PPP2R3C: variants seen among roughly 807,000 people sequenced by gnomAD.
PPP2R3C encodes protein phosphatase 2 regulatory subunit B''gamma, also known as serine/threonine-protein phosphatase 2A regulatory subunit B'' subunit gamma.
Under a neutral mutation model 63.7 loss-of-function variants are expected in PPP2R3C, and 47 were observed. The observed-to-expected ratio is 0.74, with a 90% CI of 0.58 to 0.94. PPP2R3C has a LOEUF of 0.94. Among genes scored for constraint, PPP2R3C ranks in the 40% least tolerant of loss-of-function variants. The pLI, the probability that PPP2R3C is intolerant of heterozygous loss-of-function variation, is 0.00. For missense variants in PPP2R3C, 421 were observed against 518.4 expected (o/e 0.81, Z 1.82); for synonymous variants, 180 against 177.4 (o/e 1.01, Z -0.12).
chr14:35,121,802 G>A (rs931307899), intron 1 of PPP2R3C, 100 bp downstream of exon 1: 142 of 1,340,716 alleles, frequency 1.1e-4, no homozygotes, highest in Non-Finnish European at 1.4e-4. Flanking sequence ...TCACAGAAGC[G>A]GAAAAGGCGG....
At chr14:35,120,905 C>G (rs1471103492) in intron 1 of PPP2R3C, among the ~76,000 whole-genome samples, 1 of 151,870 alleles carries the variant, frequency 6.6e-6, no homozygotes, top group East Asian at 1.9e-4. Flanking sequence ...TTCACTGCGC[C>G]GCTGCACTCC....
At chr14:35,099,164 GATA>G in intron 7 of PPP2R3C, 85 bp downstream of exon 7, 1 of 1,368,678 alleles carries the variant, frequency 7.3e-7, no homozygotes, top group Non-Finnish European at 9.5e-7. Context: ...GAAAATAAAT[GATA>G]TTTTTCAAGA....
Position 35,116,660 on chromosome 14 carries a change from T to G in PPP2R3C, c.136A>C (p.Arg46=). The G allele has an allele frequency of 2.5e-6, 4 of 1,602,552 alleles. No individual in the cohort carries two copies. The highest frequency in any genetic ancestry group is 3.4e-6 in the Non-Finnish European group (4 of 1,171,810). ...TTATAGAATTCATTTGTGTTTTTTC[T>G]ACCTCCTTTCCATTCGGAGTAATAT... ...TKYYSEWKGG[R]KNTNEFYKTI... The change falls in exon 2 of 13, where the codon AGA becomes CGA. Residue 46 remains arginine, a synonymous_variant. Transcript: ENST00000261475.
chr14:35,115,161 CTTTTTCTTTTTTTT>C (rs2046674393), intron 2 of PPP2R3C, among the ~76,000 whole-genome samples: 1 of 140,476 alleles, frequency 7.1e-6, no homozygotes, highest in African/African-American at 2.6e-5. Context: ...TTTTTTTTTT[CTTTTTCTTTTTTTT>C]TTTTTGAGAT....
intron 9 of PPP2R3C, among the ~76,000 whole-genome samples, chr14:35,095,566 G>A (rs757384398): frequency 6.6e-6 from 1 of 151,972 alleles, no homozygotes; most frequent in Non-Finnish European, 1.5e-5. Flanking sequence ...GAGGTCGGGC[G>A]TGGTGGCTCA....
intron 7 of PPP2R3C, 126 bp downstream of exon 7, chr14:35,099,126 T>C: frequency 7.9e-7 from 1 of 1,268,354 alleles, no homozygotes; most frequent in Non-Finnish European, 1.0e-6. Context: ...CTCCTTGAAA[T>C]TCACCAAATT....
chr14:35,095,309 G>T, intron 9 of PPP2R3C, 125 bp from the exon 10 acceptor site: 1 of 942,272 alleles, frequency 1.1e-6, no homozygotes, highest in Non-Finnish European at 1.6e-6. Context: ...TATGATTAGG[G>T]TAGTGGCCTA....
chr14:35,116,569 A>T (rs1595130180), intron 2 of PPP2R3C, 41 bp downstream of exon 2: 2 of 1,463,438 alleles, frequency 1.4e-6, no homozygotes, highest in Non-Finnish European at 9.1e-7. Context: ...ATTATATTTC[A>T]TTTTTAAACT....
At chr14:35,115,318 A>G (rs2046679229) in intron 2 of PPP2R3C, among the ~76,000 whole-genome samples, 1 of 151,426 alleles carries the variant, frequency 6.6e-6, no homozygotes, top group South Asian at 2.1e-4. Flanking sequence ...GCGCACCACC[A>G]TGCCCGGCTA....
chr14:35,087,851 C>G (rs1166002208), intron 12 of PPP2R3C, 100 bp downstream of exon 12: 1 of 898,362 alleles, frequency 1.1e-6, no homozygotes, highest in Non-Finnish European at 1.8e-6. Flanking sequence ...ACACTTGATT[C>G]AAATAGTACT....
chr14:35,116,803 T>A, intron 1 of PPP2R3C, 66 bp from the exon 2 acceptor site: 1 of 1,214,796 alleles, frequency 8.2e-7, no homozygotes. Flanking sequence ...CAGGTCATCC[T>A]ATATATTATA....
At chr14:35,095,851 C>CAAAAA (rs59775301) in intron 9 of PPP2R3C, among the ~76,000 whole-genome samples, 5 of 41,158 alleles carry the variant, frequency 1.2e-4, no homozygotes. Context: ...ACTCTATCTC[C>CAAAAA]AAAAAAAAAA....
At position 35,117,305 on chromosome 14, in the gene PPP2R3C, T is replaced by C. The variant is rs115057929; in HGVS notation, c.59-568A>G. ...CATTCAGCCAATTCCTCCCCACTTA[T>C]TTGTGGACTATGGTGACTGGTACAC... is the stretch of plus-strand genomic sequence containing the variant. On this transcript the variant is annotated intron_variant, in intron 1 of 12. Transcript: ENST00000261475. The C allele has an allele frequency of 7.1e-3, 2,775 of 389,292 alleles. 49 individuals carry two copies. Among genetic ancestry groups the C allele is most frequent in the African/African-American group, 0.047 (2,253 of 47,934 alleles). 24.1% of individuals were successfully genotyped at this position (389,292 alleles called of 1,614,324 possible). A position where few individuals can be genotyped will look rare whatever the true frequency, so the allele number is the denominator to read the frequency against.
At chr14:35,105,582 T>TA (rs1343346961) in intron 6 of PPP2R3C, among the ~76,000 whole-genome samples, 2 of 151,358 alleles carry the variant, frequency 1.3e-5, no homozygotes, top group South Asian at 2.1e-4. Flanking sequence ...TGTCATTTGT[T>TA]AAAAAAAATA....
chr14:35,120,959 T>C (rs1466431622), intron 1 of PPP2R3C, among the ~76,000 whole-genome samples: 1 of 150,762 alleles, frequency 6.6e-6, no homozygotes, highest in African/African-American at 2.4e-5. Context: ...AAAAAAAAAG[T>C]GTATTTAGGA....
At chr14:35,116,991 T>A (rs1032546843) in intron 1 of PPP2R3C, 2 of 432,862 alleles carry the variant, frequency 4.6e-6, no homozygotes, top group Non-Finnish European at 9.1e-6. Flanking sequence ...CTAAAGCTAG[T>A]CTCTTCCTCA....
At chr14:35,120,614 T>TA (rs1225984392) in intron 1 of PPP2R3C, among the ~76,000 whole-genome samples, 1 of 152,012 alleles carries the variant, frequency 6.6e-6, no homozygotes, top group African/African-American at 2.4e-5. Context: ...AAGAAGCGGG[T>TA]AGGACAGACT....
intron 3 of PPP2R3C, 30 bp from the exon 4 acceptor site, chr14:35,109,961 G>T (rs780728981): frequency 6.7e-7 from 1 of 1,486,684 alleles, no homozygotes; most frequent in Non-Finnish European, 9.2e-7. Context: ...TGAAGATGTT[G>T]TAAGTTAAAA....
intron 6 of PPP2R3C, among the ~76,000 whole-genome samples, chr14:35,105,117 ATGAAT>A (rs1449638747): frequency 6.6e-6 from 1 of 151,546 alleles, no homozygotes; most frequent in Non-Finnish European, 1.5e-5. Flanking sequence ...AATATCACTC[ATGAAT>A]AATCAAACGT....
Sources: allele counts gnomAD v4.1 joint callset (sites outside exome capture counted in the v4.1 genomes callset), GRCh38; gene constraint gnomAD v4.1.1; transcripts MANE v1.5; gene names NCBI Gene and HGNC (gene_info 2026-07-23, HGNC 2026-07-21).